ARID5B: variants seen among roughly 807,000 people sequenced by gnomAD.
ARID5B encodes AT-rich interactive domain-containing protein 5B.
A neutral mutation model predicts 97.2 loss-of-function variants in ARID5B; 13 were observed. The ratio of observed to expected loss-of-function variants is 0.13; its 90% CI spans 0.09 to 0.21. The LOEUF is 0.21. Among genes scored for constraint, ARID5B ranks in the 10% least tolerant of loss-of-function variants. The probability of loss-of-function intolerance (pLI) is 1.00; values close to 1 mark genes in which losing one functional copy is unlikely to be tolerated. For missense variants in ARID5B, 1,210 were observed against 1,465.3 expected (o/e 0.83, Z 2.84); for synonymous variants, 556 against 570.3 (o/e 0.97, Z 0.36).
chr10:61,996,382 T>C (rs1838996506), intron 3 of ARID5B, among the ~76,000 whole-genome samples: 1 of 152,152 alleles, frequency 6.6e-6, no homozygotes, highest in Non-Finnish European at 1.5e-5. Flanking sequence ...ATTTGAGACA[T>C]TTTATCCTAA....
chr10:62,076,277 C>T (rs553252677), intron 8 of ARID5B, among the ~76,000 whole-genome samples: 3 of 152,270 alleles, frequency 2.0e-5, no homozygotes, highest in African/African-American at 4.8e-5. Context: ...TGGTGGCTCA[C>T]GCCTATAATC....
At position 61,910,204 on chromosome 10, in the gene ARID5B, C is replaced by A. The variant is rs1181818162; in HGVS notation, c.276+7791C>A. On this transcript the variant is annotated intron_variant, in intron 2 of 9. Transcript: ENST00000279873. Reference sequence around the variant, plus strand: ...ATACAAGAGTCCATACATGTAAATACTTCATTATTAATTATTAATAAAGCA... The same window carrying A: ...ATACAAGAGTCCATACATGTAAATAATTCATTATTAATTATTAATAAAGCA... Among the ~76,000 whole-genome samples, 3 of 152,170 alleles carry A rather than the reference C, an allele frequency of 2.0e-5. No homozygotes were observed. The South Asian group carries it at 6.2e-4, about 32-fold the overall frequency.
At chr10:61,913,958 C>T (rs564799542) in intron 2 of ARID5B, among the ~76,000 whole-genome samples, 1 of 152,214 alleles carries the variant, frequency 6.6e-6, no homozygotes, top group African/African-American at 2.4e-5. Context: ...TCCATGTTGG[C>T]GAGGCTGGTC....
At chr10:61,964,834 A>G (rs972224487) in intron 3 of ARID5B, among the ~76,000 whole-genome samples, 5 of 152,098 alleles carry the variant, frequency 3.3e-5, no homozygotes, top group Non-Finnish European at 7.4e-5. Context: ...TAAATTTTTC[A>G]TTTTCCTAAA....
intron 8 of ARID5B, among the ~76,000 whole-genome samples, chr10:62,078,097 G>T (rs1293962124): frequency 6.6e-6 from 1 of 152,228 alleles, no homozygotes. Context: ...GAACCAGTAG[G>T]ATCTAACATG....
chr10:61,977,814 G>A (rs1838721673), intron 3 of ARID5B, among the ~76,000 whole-genome samples: 1 of 152,186 alleles, frequency 6.6e-6, no homozygotes, highest in Non-Finnish European at 1.5e-5. Context: ...TAGGTTGCCT[G>A]TTCACTCTGA....
intron 2 of ARID5B, among the ~76,000 whole-genome samples, chr10:61,912,236 G>A (rs1843817914): frequency 6.6e-6 from 1 of 152,170 alleles, no homozygotes; most frequent in African/African-American, 2.4e-5. Context: ...TTCTTCTTAA[G>A]GGAGGAATAT....
At chr10:62,065,283 G>A (rs142493582) in intron 7 of ARID5B, among the ~76,000 whole-genome samples, 125 of 152,236 alleles carry the variant, frequency 8.2e-4, no homozygotes, top group African/African-American at 2.8e-3. Flanking sequence ...TTCATCTTGC[G>A]TTATGGTTAA....
chr10:62,036,285 G>A (rs577267591), intron 4 of ARID5B, among the ~76,000 whole-genome samples: 30 of 152,260 alleles, frequency 2.0e-4, no homozygotes, highest in African/African-American at 5.8e-4. Flanking sequence ...AGGTGAGGAC[G>A]ATGCTCCCTA....
chr10:61,931,552 C>T (rs866860354), intron 2 of ARID5B, among the ~76,000 whole-genome samples: 4 of 152,070 alleles, frequency 2.6e-5, no homozygotes, highest in East Asian at 3.8e-4. Flanking sequence ...GACACTATTA[C>T]GAGAATTTTA....
intron 3 of ARID5B, among the ~76,000 whole-genome samples, chr10:61,951,221 G>T (rs1355906248): frequency 6.6e-6 from 1 of 152,202 alleles, no homozygotes; most frequent in Non-Finnish European, 1.5e-5. Context: ...ATAATAGTGG[G>T]TTTTCAAAGA....
intron 4 of ARID5B, among the ~76,000 whole-genome samples, chr10:62,036,452 T>A (rs1564633267): frequency 6.6e-6 from 1 of 152,148 alleles, no homozygotes; most frequent in African/African-American, 2.4e-5. Flanking sequence ...TCCTGATGGC[T>A]TTGCAAGTGT....
chr10:62,004,482 G>A (rs1839121299), intron 4 of ARID5B, among the ~76,000 whole-genome samples: 1 of 152,284 alleles, frequency 6.6e-6, no homozygotes, highest in South Asian at 2.1e-4. Flanking sequence ...AGACCAATGT[G>A]GGGAAAGTGA....
intron 4 of ARID5B, among the ~76,000 whole-genome samples, chr10:62,040,339 T>TTA (rs10569468): frequency 9.3e-5 from 14 of 151,162 alleles, no homozygotes; most frequent in African/African-American, 2.9e-4. Context: ...TATTATAACA[T>TTA]TATATATATA....
At chr10:62,051,060 C>CT (rs761732949) in intron 5 of ARID5B, 60 bp downstream of exon 5, 3 of 1,368,976 alleles carry the variant, frequency 2.2e-6, no homozygotes, top group Non-Finnish European at 3.1e-6. Flanking sequence ...TGCTTTTTCT[C>CT]TTTATCTCTC....
At chr10:61,979,104 T>C (rs1396804606) in intron 3 of ARID5B, among the ~76,000 whole-genome samples, 1 of 152,144 alleles carries the variant, frequency 6.6e-6, no homozygotes, top group East Asian at 1.9e-4. Context: ...TCGGGAGAAT[T>C]CCACGGGAGA....
chr10:62,092,778 C>T lies in ARID5B; in HGVS notation c.3315C>T (p.Tyr1105=). ...LPAGYSHSLQ[Y]LKNQTVLSPL... ...CTGGGTATTCTCATTCTCTGCAGTA[C>T]TTGAAAAACCAGACTGTGCTTTCTC... The change falls in exon 10 of 10, where the codon TAC becomes TAT. Residue 1105 remains tyrosine (Y), a synonymous_variant. Transcript: ENST00000279873. 1 of 1,614,232 alleles carries T rather than the reference C, an allele frequency of 6.2e-7. No individual in the cohort carries two copies. The highest frequency in any genetic ancestry group is 2.2e-5 in the East Asian group (1 of 44,888).
intron 2 of ARID5B, among the ~76,000 whole-genome samples, chr10:61,915,435 A>G (rs1358443001): frequency 6.6e-6 from 1 of 152,162 alleles, no homozygotes; most frequent in African/African-American, 2.4e-5. Context: ...TTTAGAAGAA[A>G]TATCATTTGA....
At position 62,000,755 on chromosome 10, in the gene ARID5B, AAAC is replaced by A; in HGVS notation, c.733+438_733+440del. Among the ~76,000 whole-genome samples the A allele has an allele frequency of 6.6e-6, 1 of 152,200 alleles. No homozygotes were observed. Among genetic ancestry groups the A allele is most frequent in the Non-Finnish European group, 1.5e-5 (1 of 68,020 alleles). ...GTGAATAGATAAATAGATAGAAAGA[AAAC>A]AACTTCAGTACTGTATGGTGGATAA... is the stretch of plus-strand genomic sequence containing the variant. On this transcript the variant is annotated intron_variant, in intron 4 of 9. Coordinates refer to ENST00000279873, the MANE Select transcript of ARID5B (RefSeq NM_032199.3). The surrounding 1 kb of genome is among the most constrained non-coding windows in gnomAD (Gnocchi z 4.4).
Sources: allele counts gnomAD v4.1 joint callset (sites outside exome capture counted in the v4.1 genomes callset), GRCh38; gene constraint gnomAD v4.1.1; non-coding constraint Gnocchi (gnomAD v3.1); transcripts MANE v1.5; gene names NCBI Gene and HGNC (gene_info 2026-07-23, HGNC 2026-07-21).